FREM2: variants seen among roughly 807,000 people sequenced by gnomAD.
The protein encoded by FREM2 is FRAS1 related extracellular matrix 2, also known as FRAS1-related extracellular matrix protein 2.
Under a neutral mutation model 219.9 loss-of-function variants are expected in FREM2, and 119 were observed. The observed-to-expected ratio is 0.54, with a 90% CI of 0.47 to 0.63. The LOEUF is 0.63. Ranked by LOEUF, FREM2 falls within the 30% of genes least tolerant of loss-of-function variation. FREM2 has a pLI of 0.00. For missense variants in FREM2, 4,030 were observed against 3,993.6 expected (o/e 1.01, Z -0.25); for synonymous variants, 1,562 against 1,522.8 (o/e 1.03, Z -0.60).
intron 6 of FREM2, among the ~76,000 whole-genome samples, chr13:38,816,563 A>T (rs558857009): frequency 6.6e-6 from 1 of 152,206 alleles, no homozygotes; most frequent in Non-Finnish European, 1.5e-5. Context: ...TTAGATTCAC[A>T]TGGTACTTAC....
intron 3 of FREM2, among the ~76,000 whole-genome samples, chr13:38,768,591 CTT>C (rs1479217941): frequency 2.0e-5 from 3 of 152,112 alleles, no homozygotes; most frequent in African/African-American, 7.2e-5. Context: ...TTTTCCAACT[CTT>C]TTACATCTGT....
At chr13:38,869,365 T>C (rs1475228779) in intron 16 of FREM2, among the ~76,000 whole-genome samples, 1 of 152,250 alleles carries the variant, frequency 6.6e-6, no homozygotes, top group East Asian at 1.9e-4. Flanking sequence ...AGACTACATC[T>C]AGCTTCAGCT....
intron 2 of FREM2, among the ~76,000 whole-genome samples, chr13:38,706,014 G>A (rs183595837): frequency 1.3e-5 from 2 of 152,286 alleles, no homozygotes. Flanking sequence ...CACGTTGTAA[G>A]TAGTTTAACT....
At chr13:38,861,256 T>A (rs867431559) in intron 14 of FREM2, among the ~76,000 whole-genome samples, 175 bp from the exon 15 acceptor site, 4 of 152,220 alleles carry the variant, frequency 2.6e-5, no homozygotes, top group Non-Finnish European at 4.4e-5. Context: ...TGTGATTACT[T>A]CTCACCCTGT....
rs1455022783 is a variant in FREM2 at position 38,689,628 on chromosome 13, G to A, written c.2284G>A (p.Val762Ile). 1.2e-6 allele frequency: 2 copies of A among 1,613,982 alleles called. No individual in the cohort carries two copies. Among genetic ancestry groups the A allele is most frequent in the Non-Finnish European group, 8.5e-7 (1 of 1,180,000 alleles). The change falls in exon 1 of 24, where the codon GTC (valine) becomes ATC (isoleucine). Residue 762 changes from valine to isoleucine, a missense_variant. Coordinates refer to ENST00000280481, the MANE Select transcript of FREM2 (RefSeq NM_207361.6). ...NHLPAPLGTL[V>I]LTDNPSVVVT... ...CCTGCCAGCCCCACTGGGTACCTTG[G>A]TCTTGACTGACAACCCCTCAGTCGT...
intron 4 of FREM2, among the ~76,000 whole-genome samples, chr13:38,771,448 A>G (rs1873656773): frequency 6.6e-6 from 1 of 152,164 alleles, no homozygotes; most frequent in African/African-American, 2.4e-5. Flanking sequence ...AAGAAATAAG[A>G]CACTTGAATT....
chr13:38,728,255 C>G (rs961732327), intron 2 of FREM2, among the ~76,000 whole-genome samples: 3 of 151,870 alleles, frequency 2.0e-5, no homozygotes, highest in Non-Finnish European at 2.9e-5. Context: ...TTGTCGTTGA[C>G]AGGACTGCTA....
At chr13:38,749,049 T>C (rs1409176047) in intron 2 of FREM2, among the ~76,000 whole-genome samples, 1 of 152,194 alleles carries the variant, frequency 6.6e-6, no homozygotes, top group Non-Finnish European at 1.5e-5. Context: ...CTATCTGCAG[T>C]GACCTTAGGA....
rs748071471 is a variant in FREM2 at position 38,878,852 on chromosome 13, CA to C, written c.8883del (p.Ala2962ArgfsTer13). ...AAAGGACAAAGCTCAGCCAGAGACA[CA>C]AGCGACCAGTTTTGGAAATGTCCTA... ...KIVDKAQPET[Q>X]ATSFGNVLFN... On this transcript the variant is annotated frameshift_variant, in exon 23 of 24. Transcript: ENST00000280481. LOFTEE classifies it high-confidence loss of function. 1.2e-6 allele frequency: 2 copies of C among 1,614,030 alleles called. No homozygotes were observed. The highest frequency in any genetic ancestry group is 1.7e-6 in the Non-Finnish European group (2 of 1,179,994).
chr13:38,855,777 G>A (rs1877533270), intron 11 of FREM2, among the ~76,000 whole-genome samples: 1 of 152,048 alleles, frequency 6.6e-6, no homozygotes, highest in Non-Finnish European at 1.5e-5. Flanking sequence ...ATTGGGTACA[G>A]TGTATACTGC....
At chr13:38,872,572 C>A (rs111486804) in intron 16 of FREM2, among the ~76,000 whole-genome samples, 170 bp from the exon 17 acceptor site, 7 of 152,110 alleles carry the variant, frequency 4.6e-5, no homozygotes, top group African/African-American at 1.7e-4. Flanking sequence ...ACTATTTAAT[C>A]GATCCAAAAT....
chr13:38,853,328 A>C (rs1056057462), intron 11 of FREM2, among the ~76,000 whole-genome samples: 6 of 152,048 alleles, frequency 3.9e-5, no homozygotes, highest in Admixed American at 1.3e-4. Context: ...AAAAAAAAAA[A>C]AAAAAAAACA....
At chr13:38,723,355 T>A (rs1473059861) in intron 2 of FREM2, among the ~76,000 whole-genome samples, 5 of 152,250 alleles carry the variant, frequency 3.3e-5, no homozygotes, top group African/African-American at 1.2e-4. Flanking sequence ...ATTTTTCATT[T>A]TGTTAAATAT....
intron 2 of FREM2, among the ~76,000 whole-genome samples, chr13:38,763,373 G>A (rs1873307081): frequency 6.7e-6 from 1 of 148,560 alleles, no homozygotes; most frequent in Non-Finnish European, 1.5e-5. Context: ...AAAGTTTTGA[G>A]ATTTTCCTCT....
intron 16 of FREM2, among the ~76,000 whole-genome samples, chr13:38,867,077 G>T (rs1877995560): frequency 6.6e-6 from 1 of 152,128 alleles, no homozygotes; most frequent in African/African-American, 2.4e-5. Context: ...CTGCCAGCTA[G>T]AAAAGTCATT....
rs1188120449 is a variant in FREM2 at position 38,687,160 on chromosome 13, T to C, written c.-185T>C. Reference sequence around the variant, plus strand: ...CCTGGGAAGGCTTCGGCTCCTCGGCTGCGGCTCCAGCCCGGACGGCGCCGC... The same window carrying C: ...CCTGGGAAGGCTTCGGCTCCTCGGCCGCGGCTCCAGCCCGGACGGCGCCGC... On this transcript the variant is annotated 5_prime_UTR_variant, in exon 1 of 24. Transcript: ENST00000280481. 2 of 772,320 alleles carry C rather than the reference T, an allele frequency of 2.6e-6. No individual in the cohort carries two copies. The highest frequency in any genetic ancestry group is 5.5e-5 in the East Asian group (2 of 36,638). The allele number at this position is 772,320 out of a possible 1,614,324, so 47.8% of individuals were successfully genotyped here.
chr13:38,753,978 A>T (rs200825745), intron 2 of FREM2, among the ~76,000 whole-genome samples: 1 of 117,034 alleles, frequency 8.5e-6, no homozygotes, highest in African/African-American at 3.1e-5. Context: ...TTTATTTTTT[A>T]TTTTATTTTA....
intron 6 of FREM2, among the ~76,000 whole-genome samples, chr13:38,840,752 A>G (rs1006966178): frequency 1.3e-5 from 2 of 151,588 alleles, no homozygotes; most frequent in East Asian, 1.9e-4. Context: ...ACACATACAT[A>G]TATGCTTTAT....
chr13:38,761,901 G>C (rs1048059120), intron 2 of FREM2, among the ~76,000 whole-genome samples: 1 of 152,136 alleles, frequency 6.6e-6, no homozygotes, highest in Admixed American at 6.5e-5. Flanking sequence ...GAACAATCAG[G>C]GTAGGTCAGG....
Sources: allele counts gnomAD v4.1 joint callset (sites outside exome capture counted in the v4.1 genomes callset), GRCh38; gene constraint gnomAD v4.1.1; transcripts MANE v1.5; gene names NCBI Gene and HGNC (gene_info 2026-07-23, HGNC 2026-07-21).